ITGB3BP: variants seen among roughly 807,000 people sequenced by gnomAD.
ITGB3BP encodes centromere protein R.
Under a neutral mutation model 29.1 loss-of-function variants are expected in ITGB3BP, and 27 were observed. That is an observed-to-expected ratio of 0.93 (90% CI 0.68 to 1.28). The LOEUF is 1.28. Among genes scored for constraint, ITGB3BP ranks in the 50% most tolerant of loss-of-function variants. ITGB3BP has a pLI of 0.00. For missense variants in ITGB3BP, 192 were observed against 200.2 expected (o/e 0.96, Z 0.25); for synonymous variants, 61 against 61.4 (o/e 0.99, Z 0.03).
chr1:63,526,025 AT>A (rs1249421333), upstream of ITGB3BP, among the ~76,000 whole-genome samples: 8 of 152,106 alleles, frequency 5.3e-5, no homozygotes, highest in Non-Finnish European at 1.0e-4. Flanking sequence ...TTTAATTCTC[AT>A]TTTGGTGCTT....
intron 7 of ITGB3BP, among the ~76,000 whole-genome samples, chr1:63,451,456 A>G (rs1431180837): frequency 6.6e-6 from 1 of 152,040 alleles, no homozygotes; most frequent in Non-Finnish European, 1.5e-5. Flanking sequence ...TTTCAAGGCC[A>G]GATTGCAAAA....
intron 2 of ITGB3BP, among the ~76,000 whole-genome samples, chr1:63,504,236 G>A (rs559740122): frequency 2.0e-5 from 3 of 152,018 alleles, no homozygotes; most frequent in African/African-American, 7.3e-5. Flanking sequence ...CACATCCCTT[G>A]TAAGTTGGAT....
chr1:63,491,727 T>G (rs924283119), intron 2 of ITGB3BP, among the ~76,000 whole-genome samples: 2 of 152,206 alleles, frequency 1.3e-5, no homozygotes, highest in African/African-American at 4.8e-5. Flanking sequence ...TTAATTATAT[T>G]GAGAAATGAA....
rs189958503 is a variant in ITGB3BP at position 63,462,884 on chromosome 1, A to G, written c.255-7916T>C. ...CTATTAAAAAGATTTTATTTGGGTTAGTGCAGAAATAACAAAAAATACACA... is the reference window on the plus strand; with the variant it reads ...CTATTAAAAAGATTTTATTTGGGTTGGTGCAGAAATAACAAAAAATACACA... On this transcript the variant is annotated intron_variant, in intron 4 of 8. Transcript: ENST00000271002. Among the ~76,000 whole-genome samples the G allele has an allele frequency of 3.9e-3, 588 of 152,358 alleles. 3 individuals carry two copies. The highest frequency in any genetic ancestry group is 0.013 in the African/African-American group (538 of 41,588).
At chr1:63,523,026 C>A (rs529769206) in intron 1 of ITGB3BP, 103 bp downstream of exon 1, 263 of 1,411,956 alleles carry the variant, frequency 1.9e-4, no homozygotes, top group Non-Finnish European at 9.9e-5. Flanking sequence ...CAAGTTCATA[C>A]TCCGAAAAAA....
chr1:63,527,025 A>C (rs527553976), upstream of ITGB3BP, among the ~76,000 whole-genome samples: 4 of 152,342 alleles, frequency 2.6e-5, no homozygotes, highest in Non-Finnish European at 5.9e-5. Context: ...TCGGCCTCCC[A>C]AAGTGCTGGC....
chr1:63,525,854 C>A, upstream of ITGB3BP: 1 of 843,730 alleles, frequency 1.2e-6, no homozygotes, highest in Non-Finnish European at 1.8e-6. Context: ...GTTGAATCAT[C>A]CCAGTTTCTT....
chr1:63,486,501 A>G (rs1181945291), intron 3 of ITGB3BP, among the ~76,000 whole-genome samples: 2 of 152,078 alleles, frequency 1.3e-5, no homozygotes, highest in Non-Finnish European at 2.9e-5. Flanking sequence ...CAATAAAGCT[A>G]GAGAAAAAAG....
rs114603863 is a variant in ITGB3BP at position 63,519,324 on chromosome 1, T to C, written c.5+3805A>G. On this transcript the variant is annotated intron_variant, in intron 1 of 8. Coordinates refer to ENST00000271002, the MANE Select transcript of ITGB3BP (RefSeq NM_014288.5). ...ATAAAGTGTTGAACATCTCATGTAA[T>C]TTATTGAATATTGTGCTGAAAGTAA... Among the ~76,000 whole-genome samples the C allele has an allele frequency of 3.7e-3, 565 of 152,216 alleles. 3 individuals are homozygous for C. Among genetic ancestry groups the C allele is most frequent in the African/African-American group, 0.011 (471 of 41,572 alleles).
intron 1 of ITGB3BP, among the ~76,000 whole-genome samples, chr1:63,514,839 G>A (rs181060497): frequency 1.2e-3 from 188 of 151,558 alleles, no homozygotes; most frequent in Non-Finnish European, 2.1e-3. Context: ...CCCGCTACTC[G>A]GGAGGCTGAG....
intron 7 of ITGB3BP, chr1:63,453,710 G>A: frequency 2.6e-6 from 1 of 386,148 alleles, no homozygotes; most frequent in South Asian, 6.8e-5. Flanking sequence ...AATCATCAGA[G>A]AAGTTGATCT....
At position 63,523,154 on chromosome 1, in the gene ITGB3BP, C is replaced by T; in HGVS notation, c.-21G>A. On this transcript the variant is annotated 5_prime_UTR_variant, in exon 1 of 9. Coordinates refer to ENST00000271002, the MANE Select transcript of ITGB3BP (RefSeq NM_014288.5). ...GGCATTCTGAGATTCGGGAAAGCAC[C>T]ACTGCCGCTGAATAAAACGAACCCA... is the stretch of plus-strand genomic sequence containing the variant. 1 of 1,614,038 alleles carries T rather than the reference C, an allele frequency of 6.2e-7. No homozygotes were observed. The highest frequency in any genetic ancestry group is 8.5e-7 in the Non-Finnish European group (1 of 1,180,020).
intron 4 of ITGB3BP, among the ~76,000 whole-genome samples, chr1:63,473,496 C>T (rs1384466720): frequency 4.2e-3 from 452 of 106,534 alleles, no homozygotes; most frequent in East Asian, 7.6e-3. Flanking sequence ...CCCCGCCCGG[C>T]CAGCCGCCCA....
chr1:63,516,518 T>C (rs1044048730), intron 1 of ITGB3BP, among the ~76,000 whole-genome samples: 75 of 151,684 alleles, frequency 4.9e-4, no homozygotes, highest in African/African-American at 1.7e-3. Context: ...GAGATCAACA[T>C]GGGCAACACA....
chr1:63,521,649 C>G (rs1166156479), intron 1 of ITGB3BP, among the ~76,000 whole-genome samples: 2 of 152,044 alleles, frequency 1.3e-5, no homozygotes, highest in African/African-American at 4.8e-5. Flanking sequence ...CTGGGCAACA[C>G]AGGGAGACAC....
At chr1:63,447,305 T>TA in intron 7 of ITGB3BP, among the ~76,000 whole-genome samples, 1 of 152,320 alleles carries the variant, frequency 6.6e-6, no homozygotes, top group South Asian at 2.1e-4. Flanking sequence ...TGAAAATACT[T>TA]AGATAATTCT....
chr1:63,521,365 T>C (rs1646440593), intron 1 of ITGB3BP, among the ~76,000 whole-genome samples: 3 of 152,184 alleles, frequency 2.0e-5, no homozygotes, highest in Admixed American at 2.0e-4. Flanking sequence ...TTAAATCACT[T>C]TGCTAAAACT....
intron 2 of ITGB3BP, among the ~76,000 whole-genome samples, chr1:63,507,853 C>T (rs1646114884): frequency 6.6e-6 from 1 of 152,142 alleles, no homozygotes; most frequent in African/African-American, 2.4e-5. Context: ...AATTTACTTT[C>T]TCACCAATTT....
intron 3 of ITGB3BP, among the ~76,000 whole-genome samples, chr1:63,479,098 A>G (rs548270006): frequency 6.6e-6 from 1 of 152,304 alleles, no homozygotes; most frequent in Non-Finnish European, 1.5e-5. Context: ...ATATGATTCT[A>G]TAATTAGGTT....
Sources: allele counts gnomAD v4.1 joint callset (sites outside exome capture counted in the v4.1 genomes callset), GRCh38; gene constraint gnomAD v4.1.1; transcripts MANE v1.5; gene names NCBI Gene and HGNC (gene_info 2026-07-23, HGNC 2026-07-21).